ZNF804B: variants seen among roughly 807,000 people sequenced by gnomAD.
ZNF804B encodes the protein zinc finger protein 804B.
In ZNF804B, 80 loss-of-function variants were observed where a neutral mutation model predicts 101.4. The ratio of observed to expected loss-of-function variants is 0.79; its 90% confidence interval spans 0.66 to 0.95. ZNF804B has a LOEUF of 0.95. ZNF804B is among the 40% of genes least tolerant of loss of function. ZNF804B has a pLI of 0.00. For synonymous variants in ZNF804B, 622 were observed against 558.8 expected, an observed-to-expected ratio of 1.11 and a Z score of -1.59; for missense variants, 1,673 against 1,561.9, an observed-to-expected ratio of 1.07 and a Z score of -1.20.
chr7:89,109,389 T>C (rs1253409280), intron 1 of ZNF804B, among the ~76,000 whole-genome samples: 1 of 152,202 alleles, frequency 6.6e-6, no homozygotes, highest in African/African-American at 2.4e-5. Flanking sequence ...TGTTAATTTA[T>C]TTTAAATTTA....
chr7:89,018,093 G>A (rs558185217), intron 1 of ZNF804B, among the ~76,000 whole-genome samples: 16 of 152,124 alleles, frequency 1.1e-4, no homozygotes, highest in Non-Finnish European at 1.8e-4. Flanking sequence ...TCGCATGTTC[G>A]ATATATTAGA....
intron 1 of ZNF804B, among the ~76,000 whole-genome samples, chr7:88,853,183 GCTT>G (rs1443599894): frequency 6.6e-6 from 1 of 152,104 alleles, no homozygotes; most frequent in Non-Finnish European, 1.5e-5. Context: ...ACCTGCTTTA[GCTT>G]CTTCTGGCAT....
In ZNF804B at chr7:89,332,164, A is replaced by G. The variant is rs140029502; in HGVS notation, c.381-1199A>G. On this transcript the variant is annotated intron_variant, in intron 3 of 3. Transcript: ENST00000333190. ...GAAGCTAATTCAATATGTCTATAATATGATTCATCTAGAGACAATGAAGCA... is the reference window on the plus strand; with the variant it reads ...GAAGCTAATTCAATATGTCTATAATGTGATTCATCTAGAGACAATGAAGCA... Among the ~76,000 whole-genome samples, 260 of 151,880 alleles carry G rather than the reference A, an allele frequency of 1.7e-3. 7 individuals are homozygous for G. The highest frequency in any genetic ancestry group is 0.016 in the Admixed American group (242 of 15,180).
intron 1 of ZNF804B, among the ~76,000 whole-genome samples, chr7:88,975,480 CA>C (rs1793604080): frequency 6.6e-6 from 1 of 151,340 alleles, no homozygotes; most frequent in African/African-American, 2.4e-5. Flanking sequence ...GTGATTTTAA[CA>C]AGGATGAGAA....
intron 1 of ZNF804B, among the ~76,000 whole-genome samples, chr7:89,204,032 C>T (rs118166733): frequency 0.037 from 5,579 of 152,174 alleles, 107 homozygotes; most frequent in Admixed American, 0.044. Flanking sequence ...GCTAGATCAG[C>T]ATTGTTTAAT....
intron 1 of ZNF804B, among the ~76,000 whole-genome samples, chr7:88,924,355 T>C (rs761088027): frequency 1.2e-4 from 19 of 152,308 alleles, no homozygotes; most frequent in South Asian, 8.3e-4. Context: ...TTGCTTTCTT[T>C]GACATATTAG....
intron 1 of ZNF804B, among the ~76,000 whole-genome samples, chr7:88,948,746 C>T (rs1344964677): frequency 1.3e-5 from 2 of 151,810 alleles, no homozygotes; most frequent in African/African-American, 2.4e-5. Context: ...AACTGGGGAC[C>T]ACCGAAGTGA....
At chr7:89,210,356 G>T (rs184502256) in intron 1 of ZNF804B, among the ~76,000 whole-genome samples, 3 of 151,966 alleles carry the variant, frequency 2.0e-5, no homozygotes, top group East Asian at 1.9e-4. Context: ...TTTATTTTAC[G>T]TTCCTGGGTA....
chr7:88,779,046 C>T (rs2115654358), intron 1 of ZNF804B, among the ~76,000 whole-genome samples: 1 of 152,188 alleles, frequency 6.6e-6, no homozygotes, highest in Non-Finnish European at 1.5e-5. Flanking sequence ...ACTTTTTGTG[C>T]ATGTGTGTCA....
chr7:89,276,061 C>G (rs1440285029), intron 2 of ZNF804B, among the ~76,000 whole-genome samples: 1 of 151,828 alleles, frequency 6.6e-6, no homozygotes. Context: ...AGCAAACTAA[C>G]ACAGGAACAG....
chr7:88,825,023 C>T (rs1258998819), intron 1 of ZNF804B, among the ~76,000 whole-genome samples: 1 of 152,138 alleles, frequency 6.6e-6, no homozygotes, highest in Non-Finnish European at 1.5e-5. Context: ...TAAGCCTAAA[C>T]AAAGTCAATG....
At chr7:88,948,958 C>T (rs953293801) in intron 1 of ZNF804B, among the ~76,000 whole-genome samples, 9 of 151,498 alleles carry the variant, frequency 5.9e-5, no homozygotes, top group African/African-American at 2.2e-4. Context: ...GATCTCTGAC[C>T]ATTTTATTTT....
At chr7:89,156,710 G>C (rs928098418) in intron 1 of ZNF804B, among the ~76,000 whole-genome samples, 2 of 151,870 alleles carry the variant, frequency 1.3e-5, no homozygotes, top group East Asian at 3.9e-4. Flanking sequence ...CTAATTAAAT[G>C]GTTGCTTTTG....
intron 1 of ZNF804B, among the ~76,000 whole-genome samples, chr7:88,846,358 A>G (rs751021800): frequency 2.6e-5 from 4 of 152,220 alleles, no homozygotes; most frequent in Non-Finnish European, 5.9e-5. Flanking sequence ...CCAGTGAGAA[A>G]CCAGATAATC....
chr7:89,028,332 G>A (rs1313187378), intron 1 of ZNF804B, among the ~76,000 whole-genome samples: 1 of 152,046 alleles, frequency 6.6e-6, no homozygotes, highest in Non-Finnish European at 1.5e-5. Context: ...TTGTGCATTT[G>A]GAAATTTCAG....
intron 1 of ZNF804B, among the ~76,000 whole-genome samples, chr7:89,036,002 A>C (rs1788921333): frequency 1.6e-5 from 2 of 128,882 alleles, no homozygotes; most frequent in Admixed American, 1.7e-4. Context: ...ATTATATGAT[A>C]TATTAATATA....
intron 1 of ZNF804B, among the ~76,000 whole-genome samples, chr7:89,141,762 G>A (rs1790721269): frequency 6.6e-6 from 1 of 151,610 alleles, no homozygotes; most frequent in Non-Finnish European, 1.5e-5. Context: ...AATTTTAAGT[G>A]CCAAAAACAA....
At chr7:88,997,851 A>T (rs186820432) in intron 1 of ZNF804B, among the ~76,000 whole-genome samples, 1 of 152,120 alleles carries the variant, frequency 6.6e-6, no homozygotes, top group African/African-American at 2.4e-5. Flanking sequence ...CCATTTTGCC[A>T]TTAAGTTGAT....
chr7:88,811,664 C>T (rs943863769), intron 1 of ZNF804B, among the ~76,000 whole-genome samples: 4 of 152,096 alleles, frequency 2.6e-5, no homozygotes, highest in Admixed American at 2.0e-4. Flanking sequence ...GAAATCATGT[C>T]ATTTACAGGG....
Sources: gnomAD v4.1 joint callset for allele counts (sites outside exome capture counted in the v4.1 genomes callset) on GRCh38, gnomAD v4.1.1 for gene constraint, MANE v1.5 for transcripts, NCBI Gene and HGNC (gene_info 2026-07-23, HGNC 2026-07-21) for gene names.